GRM6: variants seen among roughly 807,000 people sequenced by gnomAD.
GRM6 encodes metabotropic glutamate receptor 6.
Under a neutral mutation model 78.4 loss-of-function variants are expected in GRM6, and 73 were observed. That is an observed-to-expected ratio of 0.93 (90% CI 0.77 to 1.13). The LOEUF (loss-of-function observed/expected upper bound fraction) is 1.13, where lower values mean the gene tolerates loss of function less well. GRM6 is among the 50% of genes most tolerant of loss of function. The probability of loss-of-function intolerance (pLI) is 0.00; values close to 1 mark genes in which losing one functional copy is unlikely to be tolerated. For synonymous variants in GRM6, 580 were observed against 555.0 expected (o/e 1.05, Z -0.63); for missense variants, 1,251 against 1,256.4 (o/e 1.00, Z 0.07).
rs145196229 is a variant in GRM6 at position 178,982,991 on chromosome 5, G to A, written c.2355C>T (p.Ile785=). The A allele has an allele frequency of 8.7e-5, 140 of 1,614,050 alleles. No individual in the cohort carries two copies. The South Asian group carries it at 8.9e-4, about 10-fold the overall frequency. ...VPETFNEAKP[I]GFTMYTTCII... ...TGCAGGTGGTGTACATGGTGAAGCC[G>A]ATGGGCTTGGCCTCGTTGAAGGTCT... The change falls in exon 10 of 11, where the codon ATC becomes ATT. Residue 785 remains isoleucine, a synonymous_variant. Coordinates refer to ENST00000517717, the MANE Select transcript of GRM6 (RefSeq NM_000843.4).
Position 178,981,441 on chromosome 5 carries a change from T to TA in GRM6, c.*215_*216insT. 1.8e-6 allele frequency: 1 copy of TA among 562,878 alleles called. No homozygotes were observed. The highest frequency in any genetic ancestry group is 2.2e-5 in the South Asian group (1 of 45,016). 34.9% of individuals were successfully genotyped at this position (562,878 alleles called of 1,614,324 possible). A position where few individuals can be genotyped will look rare whatever the true frequency, so the allele number is the denominator to read the frequency against. ...TGTTTCCCACCATGGGAAGCGAGTC[T>TA]GGTCTGTGGTGAGGAAGCATGAAGC... On this transcript the variant is annotated 3_prime_UTR_variant, in exon 11 of 11. Coordinates refer to ENST00000517717, the MANE Select transcript of GRM6 (RefSeq NM_000843.4). The surrounding 1 kb of genome is among the most constrained non-coding windows in gnomAD (Gnocchi z 5.1).
rs1230971455 is a variant in GRM6, at chr5:178,991,647, C to G, written c.722-88G>C. The G allele has an allele frequency of 2.9e-6, 4 of 1,386,220 alleles. No individual in the cohort carries two copies. The highest frequency in any genetic ancestry group is 4.0e-6 in the Non-Finnish European group (4 of 1,002,568). The allele number at this position is 1,386,220 out of a possible 1,614,324, so 85.9% of individuals were successfully genotyped here. A position where few individuals can be genotyped will look rare whatever the true frequency, so the allele number is the denominator to read the frequency against. On this transcript the variant is annotated intron_variant, in intron 3 of 10. Coordinates refer to ENST00000517717, the MANE Select transcript of GRM6 (RefSeq NM_000843.4). This position sits in a 1 kb window ranked among gnomAD's most constrained non-coding sequence, Gnocchi z 5.0. Reference sequence around the variant, plus strand: ...CGCTGCAGAGGACTGTGTAGGCTGGCTGAAGGGTCTGCAGGGGTGAAGTCT... The same window carrying G: ...CGCTGCAGAGGACTGTGTAGGCTGGGTGAAGGGTCTGCAGGGGTGAAGTCT...
chr5:178,990,715 G>A lies in GRM6; in HGVS notation c.889C>T (p.Leu297=), dbSNP rs1275618671. The A allele has an allele frequency of 6.3e-7, 1 of 1,583,552 alleles. No individual in the cohort carries two copies. Among genetic ancestry groups the A allele is most frequent in the South Asian group, 1.2e-5 (1 of 86,772 alleles). The change falls in exon 5 of 11, where the codon CTG becomes TTG. Residue 297 remains leucine (L), a synonymous_variant. Transcript: ENST00000517717. Reference sequence around the variant, plus strand: ...CCGACCCACAGGAAGTGGCCGGTCAGGTTGGCCTGGCGAGCTGCCTCCAGG... The same window carrying A: ...CCGACCCACAGGAAGTGGCCGGTCAAGTTGGCCTGGCGAGCTGCCTCCAGG... ...RVLEAARQAN[L]TGHFLWVGSD... is the part of the protein sequence containing the mutation.
intron 9 of GRM6, among the ~76,000 whole-genome samples, chr5:178,984,921 C>G (rs1331008802): frequency 6.6e-6 from 1 of 152,166 alleles, no homozygotes; most frequent in Non-Finnish European, 1.5e-5. Context: ...CCAGGTCACC[C>G]TCCCCAAGCC....
chr5:178,986,164 T>C lies in GRM6; in HGVS notation c.2090A>G (p.Gln697Arg). The C allele has an allele frequency of 6.2e-7, 1 of 1,613,836 alleles. No individual in the cohort carries two copies. The highest frequency in any genetic ancestry group is 8.5e-7 in the Non-Finnish European group (1 of 1,179,838). ...GGTGAGGCTGAAGGTGATGACCAGC[T>C]GTGAGGTGGGGCTGATGAAGGGAGG... ...TPPPFISPTS[Q>R]LVITFSLTSL... The change falls in exon 9 of 11, where the codon CAG becomes CGG. Residue 697 changes from glutamine (Q) to arginine (R), a missense_variant. Coordinates refer to ENST00000517717, the MANE Select transcript of GRM6 (RefSeq NM_000843.4).
intron 9 of GRM6, 120 bp downstream of exon 9, chr5:178,986,010 C>T: frequency 2.2e-6 from 2 of 913,254 alleles, no homozygotes; most frequent in Non-Finnish European, 3.3e-6. Context: ...GATCCACCCA[C>T]CTCAGCCTCC....
Position 178,986,516 on chromosome 5 carries a change from T to C in GRM6, c.1738A>G (p.Ser580Gly). 6.2e-7 allele frequency: 1 copy of C among 1,608,888 alleles called. No individual in the cohort carries two copies. Among genetic ancestry groups the C allele is most frequent in the Middle Eastern group, 1.7e-4 (1 of 6,030 alleles). Residue 580 changes from serine to glycine, a missense_variant, in exon 9 of 11, where the codon AGC becomes GGC. Coordinates refer to ENST00000517717, the MANE Select transcript of GRM6 (RefSeq NM_000843.4). ...GCRPTPVVRL[S>G]WSSPWAAPPL... ...GGGGCTGCCCAGGGGGAGGACCAGC[T>C]CAGGCGCACCACAGGTGTGGGGCGG...
rs181610769 is a variant in GRM6 at position 178,980,620 on chromosome 5, G to T, written c.*1037C>A. ...TATCTGAATTTCTTCAGGTTTGGGG[G>T]TTTTTTTGGTGTTTTTTTGTTTTGT... On this transcript the variant is annotated 3_prime_UTR_variant, in exon 11 of 11. Coordinates refer to ENST00000517717, the MANE Select transcript of GRM6 (RefSeq NM_000843.4). The surrounding 1 kb of genome is among the most constrained non-coding windows in gnomAD (Gnocchi z 4.3). The T allele has an allele frequency of 5.4e-3, 830 of 153,720 alleles. 6 individuals are homozygous for T. Among genetic ancestry groups the T allele is most frequent in the African/African-American group, 0.017 (718 of 41,464 alleles). 9.5% of individuals were successfully genotyped at this position (153,720 alleles called of 1,614,324 possible). A position where few individuals can be genotyped will look rare whatever the true frequency, so the allele number is the denominator to read the frequency against.
chr5:178,985,682 GAC>G (rs755279066), intron 9 of GRM6: 18 of 386,938 alleles, frequency 4.7e-5, no homozygotes, highest in Admixed American at 2.1e-4. Context: ...CAGCCTGGGC[GAC>G]ACAGCGAGAC....
Position 178,994,637 on chromosome 5 carries a change from G to C in GRM6, c.308C>G (p.Thr103Ser). The stretch of plus-strand genomic sequence containing the variant: ...GCTCAGCGCCTGCTCCAGCGCGTAG[G>C]TGTCCCGCGAGCAGGTGTCCAGCAG... ...ARLLDTCSRD[T>S]YALEQALSFV... is the part of the protein sequence containing the mutation. The change falls in exon 2 of 11, where the codon ACC (threonine) becomes AGC (serine). Residue 103 changes from threonine to serine, a missense_variant. Transcript: ENST00000517717. 1 of 1,459,448 alleles carries C rather than the reference G, an allele frequency of 6.9e-7. No homozygotes were observed. Among genetic ancestry groups the C allele is most frequent in the Non-Finnish European group, 9.0e-7 (1 of 1,108,380 alleles). 90.4% of individuals were successfully genotyped at this position (1,459,448 alleles called of 1,614,324 possible). A position where few individuals can be genotyped will look rare whatever the true frequency, so the allele number is the denominator to read the frequency against.
In GRM6 at chr5:178,985,668, A is replaced by C. The variant is rs149387247; in HGVS notation, c.2124+462T>G. ...CAGGGAGCTGAGATAGTGCCACTGCACTCCAGCCTGGGCGACACAGCGAGA... is the reference window on the plus strand; with the variant it reads ...CAGGGAGCTGAGATAGTGCCACTGCCCTCCAGCCTGGGCGACACAGCGAGA... On this transcript the variant is annotated intron_variant, in intron 9 of 10. Coordinates refer to ENST00000517717, the MANE Select transcript of GRM6 (RefSeq NM_000843.4). The C allele has an allele frequency of 7.6e-3, 3,023 of 397,168 alleles. 86 individuals carry two copies. Among genetic ancestry groups the C allele is most frequent in the African/African-American group, 0.057 (2,557 of 44,984 alleles). The allele number at this position is 397,168 out of a possible 1,614,324, so 24.6% of individuals were successfully genotyped here.
At position 178,985,505 on chromosome 5, in the gene GRM6, C is replaced by T. The variant is rs529188409; in HGVS notation, c.2124+625G>A. Reference sequence around the variant, plus strand: ...GATCACGAGGTCAGGAGATCGAGACCATCCTGGCTAACACGGTGAAGCCCT... The same window carrying T: ...GATCACGAGGTCAGGAGATCGAGACTATCCTGGCTAACACGGTGAAGCCCT... On this transcript the variant is annotated intron_variant, in intron 9 of 10. Transcript: ENST00000517717. 4.3e-4 allele frequency: 147 copies of T among 338,888 alleles called. 1 individual carries two copies. The highest frequency in any genetic ancestry group is 2.1e-3 in the African/African-American group (94 of 45,690). 21.0% of individuals were successfully genotyped at this position (338,888 alleles called of 1,614,324 possible).
Position 178,986,198 on chromosome 5 carries a change from C to T in GRM6, c.2056G>A (p.Val686Ile). The T allele has an allele frequency of 6.2e-7, 1 of 1,614,106 alleles. No individual in the cohort carries two copies. Among genetic ancestry groups the T allele is most frequent in the Non-Finnish European group, 8.5e-7 (1 of 1,180,008 alleles). Reference sequence around the variant, plus strand: ...GGGCTGATGAAGGGAGGGGGTGTGACCGAGCGCTTGCCCTGCTCAAAGATG... The same window carrying T: ...GGGCTGATGAAGGGAGGGGGTGTGATCGAGCGCTTGCCCTGCTCAAAGATG... ...YRIFEQGKRS[V>I]TPPPFISPTS... Residue 686 changes from valine to isoleucine, a missense_variant, in exon 9 of 11, where the codon GTC becomes ATC. Val to Ile is a conservative substitution (Grantham distance 29). Coordinates refer to ENST00000517717, the MANE Select transcript of GRM6 (RefSeq NM_000843.4).
chr5:178,988,900 CCTT>C lies in GRM6; in HGVS notation c.1354+32_1354+34del. On this transcript the variant is annotated intron_variant, in intron 7 of 10. Coordinates refer to ENST00000517717, the MANE Select transcript of GRM6 (RefSeq NM_000843.4). This position sits in a 1 kb window ranked among gnomAD's most constrained non-coding sequence, Gnocchi z 6.0. ...CAGCAAAATCCAGCCCCCCAGCTGT[CCTT>C]CACTGCTGCAGGGGGGCAGGCACCC... The C allele has an allele frequency of 3.2e-6, 5 of 1,556,194 alleles. No individual in the cohort carries two copies. Among genetic ancestry groups the C allele is most frequent in the Non-Finnish European group, 4.4e-6 (5 of 1,130,810 alleles).
rs1370566165 is a variant in GRM6 at position 178,985,372 on chromosome 5, C to G, written c.2124+758G>C. The G allele has an allele frequency of 1.3e-5, 5 of 392,780 alleles. No homozygotes were observed. The Admixed American group carries it at 1.7e-4, about 13-fold the overall frequency. 24.3% of individuals were successfully genotyped at this position (392,780 alleles called of 1,614,324 possible). The stretch of plus-strand genomic sequence containing the variant: ...GGCGGCCCTAACTGAGCTGCTGTCA[C>G]AGGAGGGGAGGGGCTCCATTTCCTG... On this transcript the variant is annotated intron_variant, in intron 9 of 10. Coordinates refer to ENST00000517717, the MANE Select transcript of GRM6 (RefSeq NM_000843.4).
Position 178,979,124 on chromosome 5 carries a change from A to T in GRM6, c.*2533T>A, listed in dbSNP as rs1231007636. ...ACATTAGCTGGGTATGGTCGTGCGC[A>T]CCAGCTACTCAGGAGGCTGAAGCGG... On this transcript the variant is annotated 3_prime_UTR_variant, in exon 11 of 11. Transcript: ENST00000517717. 1 of 152,148 alleles carries T rather than the reference A, an allele frequency of 6.6e-6. No individual in the cohort carries two copies. The highest frequency in any genetic ancestry group is 1.5e-5 in the Non-Finnish European group (1 of 68,064). 9.4% of individuals were successfully genotyped at this position (152,148 alleles called of 1,614,324 possible). A position where few individuals can be genotyped will look rare whatever the true frequency, so the allele number is the denominator to read the frequency against.
At chr5:178,982,671 C>A (rs1760420086) in intron 10 of GRM6, 2 of 370,652 alleles carry the variant, frequency 5.4e-6, no homozygotes, top group African/African-American at 2.5e-5. Flanking sequence ...GAGGCAATAT[C>A]TCTCAAAGAA....
At position 178,986,413 on chromosome 5, in the gene GRM6, G is replaced by C. The variant is rs990985728; in HGVS notation, c.1841C>G (p.Pro614Arg). The change falls in exon 9 of 11, where the codon CCC becomes CGC. Residue 614 changes from proline to arginine, a missense_variant. By Grantham distance (103) the Pro-to-Arg change is moderately radical. Coordinates refer to ENST00000517717, the MANE Select transcript of GRM6 (RefSeq NM_000843.4). The stretch of plus-strand genomic sequence containing the variant: ...CTCTCGGCCCGAGGCCCGGACGATG[G>C]GCGTGTTGTTGTACCGCACGAAGGT... Reference protein sequence around the residue: ...VATFVRYNNTPIVRASGRELS... With the variant: ...VATFVRYNNTRIVRASGRELS... 6.2e-7 allele frequency: 1 copy of C among 1,613,754 alleles called. No individual in the cohort carries two copies. Among genetic ancestry groups the C allele is most frequent in the East Asian group, 2.2e-5 (1 of 44,858 alleles).
intron 2 of GRM6, among the ~76,000 whole-genome samples, chr5:178,993,834 G>A (rs1760725782): frequency 6.6e-6 from 1 of 152,202 alleles, no homozygotes; most frequent in Admixed American, 6.5e-5. Context: ...GCGCAGGGCA[G>A]GGTGCAGGAG....
Sources: allele counts gnomAD v4.1 joint callset (sites outside exome capture counted in the v4.1 genomes callset), GRCh38; gene constraint gnomAD v4.1.1; non-coding constraint Gnocchi (gnomAD v3.1); transcripts MANE v1.5; gene names NCBI Gene and HGNC (gene_info 2026-07-23, HGNC 2026-07-21).